PLPPR1: variants seen among roughly 807,000 people sequenced by gnomAD.
PLPPR1 encodes the protein phospholipid phosphatase-related protein type 1.
In PLPPR1, 10 loss-of-function variants were observed where a neutral mutation model predicts 33.1. The observed-to-expected ratio is 0.30, with a 90% confidence interval of 0.19 to 0.51. PLPPR1 has a LOEUF of 0.51. Among genes scored for constraint, PLPPR1 ranks in the 20% least tolerant of loss-of-function variants. The pLI is 0.97. For synonymous variants in PLPPR1, 151 were observed against 151.0 expected (o/e 1.00, Z 0.00); for missense variants, 304 against 408.1 (o/e 0.74, Z 2.20).
chr9:101,116,658 C>G (rs1338840343), intron 1 of PLPPR1, among the ~76,000 whole-genome samples: 1 of 151,822 alleles, frequency 6.6e-6, no homozygotes, highest in Non-Finnish European at 1.5e-5. Context: ...ACTAAAAATA[C>G]AAAAAAGCTG....
At chr9:101,286,355 T>C (rs1828395254) in intron 4 of PLPPR1, 119 bp downstream of exon 4, 2 of 921,142 alleles carry the variant, frequency 2.2e-6, no homozygotes, top group East Asian at 2.6e-5. Flanking sequence ...GCTTTGGGGA[T>C]TTTCCTGATC....
intron 2 of PLPPR1, among the ~76,000 whole-genome samples, chr9:101,236,106 C>G (rs548756545): frequency 4.0e-5 from 6 of 151,756 alleles, no homozygotes; most frequent in African/African-American, 1.4e-4. Flanking sequence ...GCCTGTTGTT[C>G]TAGATTTACT....
chr9:101,206,234 G>A (rs571676466), intron 2 of PLPPR1, among the ~76,000 whole-genome samples: 26 of 152,314 alleles, frequency 1.7e-4, no homozygotes, highest in Admixed American at 1.4e-3. Context: ...ATCTGTGAAT[G>A]TTTGAATCCA....
intron 1 of PLPPR1, among the ~76,000 whole-genome samples, chr9:101,094,936 A>AC (rs1462911585): frequency 6.6e-6 from 1 of 151,980 alleles, no homozygotes; most frequent in African/African-American, 2.4e-5. Context: ...AGTTTCAAGG[A>AC]CCCCCATCCT....
intron 1 of PLPPR1, among the ~76,000 whole-genome samples, chr9:101,156,700 AG>A (rs1199661721): frequency 3.3e-5 from 5 of 150,770 alleles, no homozygotes; most frequent in South Asian, 4.2e-4. Flanking sequence ...TCTGTCTTAT[AG>A]GGTTTGGGAA....
At chr9:101,098,036 T>C (rs533311810) in intron 1 of PLPPR1, among the ~76,000 whole-genome samples, 118 of 151,778 alleles carry the variant, frequency 7.8e-4, no homozygotes, top group African/African-American at 2.5e-3. Flanking sequence ...GTGCTTTTTT[T>C]CCCCCTCCCA....
At chr9:101,181,630 G>GTGTA (rs1184413675) in intron 1 of PLPPR1, among the ~76,000 whole-genome samples, 1 of 149,328 alleles carries the variant, frequency 6.7e-6, no homozygotes, top group Admixed American at 6.7e-5. Context: ...GTGTGTGTGT[G>GTGTA]TGTATGTGTA....
chr9:101,297,309 A>C (rs1440555853), intron 4 of PLPPR1, among the ~76,000 whole-genome samples: 1 of 152,158 alleles, frequency 6.6e-6, no homozygotes, highest in African/African-American at 2.4e-5. Context: ...AAGAGCAAAA[A>C]CTTCAACTTG....
intron 1 of PLPPR1, among the ~76,000 whole-genome samples, chr9:101,133,773 A>C (rs1831345428): frequency 6.6e-6 from 1 of 152,202 alleles, no homozygotes; most frequent in Non-Finnish European, 1.5e-5. Flanking sequence ...AAGTGAAGAA[A>C]ACTAGAGCAA....
chr9:101,155,604 C>CTCT (rs1831672278), intron 1 of PLPPR1, among the ~76,000 whole-genome samples: 1 of 144,102 alleles, frequency 6.9e-6, no homozygotes, highest in African/African-American at 2.6e-5. Context: ...CTCTCTCTCT[C>CTCT]TTTTTTTTTT....
intron 1 of PLPPR1, among the ~76,000 whole-genome samples, chr9:101,095,200 C>T (rs1344483138): frequency 6.6e-6 from 1 of 152,200 alleles, no homozygotes; most frequent in Non-Finnish European, 1.5e-5. Context: ...TAGGATGGTA[C>T]TTTAGACTGA....
chr9:101,284,686 C>T (rs1417368664), intron 3 of PLPPR1, among the ~76,000 whole-genome samples: 1 of 152,110 alleles, frequency 6.6e-6, no homozygotes, highest in Non-Finnish European at 1.5e-5. Flanking sequence ...ATAAATGATT[C>T]CAGTTTTGAA....
chr9:101,053,166 T>C (rs2118448543), intron 1 of PLPPR1, among the ~76,000 whole-genome samples: 1 of 152,198 alleles, frequency 6.6e-6, no homozygotes, highest in East Asian at 1.9e-4. Context: ...TTACCTTCCC[T>C]CACAAAAAAT....
intron 1 of PLPPR1, among the ~76,000 whole-genome samples, chr9:101,176,827 C>T (rs953552921): frequency 6.6e-6 from 1 of 151,940 alleles, no homozygotes; most frequent in Non-Finnish European, 1.5e-5. Context: ...CTTTTCATAC[C>T]AAGAATCAAA....
In PLPPR1 at chr9:101,185,458, G is replaced by C; in HGVS notation, c.-37G>C. 1 of 1,385,472 alleles carries C rather than the reference G, an allele frequency of 7.2e-7. No homozygotes were observed. The highest frequency in any genetic ancestry group is 1.2e-5 in the South Asian group (1 of 83,706). 85.8% of individuals were successfully genotyped at this position (1,385,472 alleles called of 1,614,324 possible). A position where few individuals can be genotyped will look rare whatever the true frequency, so the allele number is the denominator to read the frequency against. ...ACCTATTTCTATTTCAGCCTGGACA[G>C]TTTTTGACGGTGCAGTCTTGCTATA... On this transcript the variant is annotated 5_prime_UTR_variant, in exon 2 of 8. Coordinates refer to ENST00000374874, the MANE Select transcript of PLPPR1 (RefSeq NM_207299.2).
At chr9:101,061,232 A>T (rs1564133399) in intron 1 of PLPPR1, among the ~76,000 whole-genome samples, 1 of 151,904 alleles carries the variant, frequency 6.6e-6, no homozygotes, top group African/African-American at 2.4e-5. Context: ...AAATTATAAG[A>T]TATGAAATAT....
intron 1 of PLPPR1, among the ~76,000 whole-genome samples, chr9:101,057,397 G>C (rs1226426921): frequency 1.3e-5 from 2 of 152,102 alleles, no homozygotes; most frequent in Non-Finnish European, 2.9e-5. Flanking sequence ...GATCAGAAAA[G>C]TGGATTATTT....
rs536399532 is a variant in PLPPR1, at chr9:101,193,478, A to G, written c.63+7921A>G. 2.6e-5 allele frequency among the ~76,000 whole-genome samples: 4 copies of G among 152,298 alleles called. No homozygotes were observed. In the East Asian group the frequency reaches 5.8e-4, roughly 22 times the overall value. ...TAATGATAACTGTAACATACCATGG[A>G]AACATTTTGAATGAGAAGGGATAAG... On this transcript the variant is annotated intron_variant, in intron 2 of 7. Coordinates refer to ENST00000374874, the MANE Select transcript of PLPPR1 (RefSeq NM_207299.2).
chr9:101,155,617 T>TC (rs1554730603), intron 1 of PLPPR1, among the ~76,000 whole-genome samples: 1 of 149,686 alleles, frequency 6.7e-6, no homozygotes, highest in Non-Finnish European at 1.5e-5. Context: ...TTTTTTTTTT[T>TC]AGATGGAGTT....
Sources: allele counts gnomAD v4.1 joint callset (sites outside exome capture counted in the v4.1 genomes callset), GRCh38; gene constraint gnomAD v4.1.1; transcripts MANE v1.5; gene names NCBI Gene and HGNC (gene_info 2026-07-23, HGNC 2026-07-21).